Variants in LIG3 observed in about 807,000 individuals in gnomAD.
LIG3 encodes DNA ligase 3, also known as ligase II, DNA, ATP-dependent.
A neutral mutation model predicts 110.9 loss-of-function variants in LIG3; 58 were observed. The ratio of observed to expected loss-of-function variants is 0.52; its 90% CI spans 0.42 to 0.65. The LOEUF (loss-of-function observed/expected upper bound fraction) is 0.65, where lower values mean the gene tolerates loss of function less well. Ranked by LOEUF, LIG3 falls within the 30% of genes least tolerant of loss-of-function variation. The pLI, the probability that LIG3 is intolerant of heterozygous loss-of-function variation, is 0.00. For missense variants in LIG3, 1,094 were observed against 1,273.8 expected (o/e 0.86, Z 2.15); for synonymous variants, 422 against 472.8 (o/e 0.89, Z 1.39).
chr17:34,986,799 C>T (rs1298558468), intron 3 of LIG3, among the ~76,000 whole-genome samples: 14 of 152,098 alleles, frequency 9.2e-5, no homozygotes, highest in Non-Finnish European at 1.9e-4. Flanking sequence ...AATTGTTTCC[C>T]TGAATATGCC....
At chr17:34,990,118 T>C (rs1597793763) in intron 4 of LIG3, among the ~76,000 whole-genome samples, 1 of 152,332 alleles carries the variant, frequency 6.6e-6, no homozygotes, top group South Asian at 2.1e-4. Context: ...CTAACCACTC[T>C]GTCCAACAAG....
In LIG3 at chr17:34,992,677, T is replaced by C. The variant is rs193922690; in HGVS notation, c.1440T>C (p.Pro480=). 4 of 1,599,100 alleles carry C rather than the reference T, an allele frequency of 2.5e-6. No homozygotes were observed. The South Asian group carries it at 4.5e-5, about 18-fold the overall frequency. The change falls in exon 8 of 20, where the codon CCT becomes CCC. Residue 480 remains proline (P), a synonymous_variant. Transcript: ENST00000378526. ...ALSVQASLMT[P]VQPMLAEACK... is the part of the protein sequence containing the mutation. ...GCGTCCAGGCCTCGCTGATGACACC[T>C]GTGCAGCCCATGTTGGTGAGGAGTG...
rs779188644 is a variant in LIG3, at chr17:34,998,625, C to G, written c.2011C>G (p.Arg671Gly). The G allele has an allele frequency of 1.9e-6, 3 of 1,614,112 alleles. No homozygotes were observed. In the East Asian group the frequency reaches 6.7e-5, roughly 36 times the overall value. ...DVKGTYEPGK[R>G]HWLKVKKDYL... is the part of the protein sequence containing the mutation. ...TCAGGGTACATATGAGCCTGGGAAG[C>G]GGCACTGGCTGAAAGTGAAGAAAGA... is the stretch of plus-strand genomic sequence containing the variant. The change falls in exon 14 of 20, where the codon CGG (arginine) becomes GGG (glycine). Residue 671 changes from arginine to glycine, a missense_variant. Physicochemically the swap from Arg to Gly is moderately radical, Grantham distance 125 (BLOSUM62 -2). Coordinates refer to ENST00000378526, the MANE Select transcript of LIG3 (RefSeq NM_013975.4).
rs1410168602 is a variant in LIG3 at position 34,999,797 on chromosome 17, C to G, written c.2272C>G (p.Pro758Ala). ...TCTCCTCTAGGACCCCAGCAAAATA[C>G]CCAGCTGGTTGAAGGTCAACAAGAT... ...VKISKDPSKI[P>A]SWLKVNKIYY... is the part of the protein sequence containing the mutation. Residue 758 changes from proline to alanine, a missense_variant, in exon 16 of 20, where the codon CCC becomes GCC. Physicochemically the swap from Pro to Ala is conservative, Grantham distance 27 (BLOSUM62 -1). Transcript: ENST00000378526. 1 of 1,614,042 alleles carries G rather than the reference C, an allele frequency of 6.2e-7. No individual in the cohort carries two copies. Among genetic ancestry groups the G allele is most frequent in the South Asian group, 1.1e-5 (1 of 91,082 alleles).
chr17:34,986,942 A>G (rs1287408048), intron 3 of LIG3, among the ~76,000 whole-genome samples: 1 of 152,182 alleles, frequency 6.6e-6, no homozygotes, highest in African/African-American at 2.4e-5. Flanking sequence ...GGATATTGCT[A>G]TTTGTTGGGA....
In LIG3 at chr17:34,980,595, A is replaced by C. The variant is rs1440434132; in HGVS notation, c.-32A>C. The stretch of plus-strand genomic sequence containing the variant: ...CTGTAATGAGCAAGTTCCGAGGCCT[A>C]CGGTGAGCGCCGGAGCCGGAGAGGC... On this transcript the variant is annotated 5_prime_UTR_variant, in exon 1 of 20. Coordinates refer to ENST00000378526, the MANE Select transcript of LIG3 (RefSeq NM_013975.4). 3 of 1,285,826 alleles carry C rather than the reference A, an allele frequency of 2.3e-6. No homozygotes were observed. In the South Asian group the frequency reaches 3.7e-5, roughly 16 times the overall value. The allele number at this position is 1,285,826 out of a possible 1,614,324, so 79.7% of individuals were successfully genotyped here. A position where few individuals can be genotyped will look rare whatever the true frequency, so the allele number is the denominator to read the frequency against.
chr17:34,985,308 T>A (rs1386762327), intron 2 of LIG3, among the ~76,000 whole-genome samples: 1 of 152,208 alleles, frequency 6.6e-6, no homozygotes, highest in Non-Finnish European at 1.5e-5. Flanking sequence ...CTGGTCACCA[T>A]AGGAAGACAG....
chr17:34,990,217 T>A (rs1020626346), intron 4 of LIG3, among the ~76,000 whole-genome samples: 1 of 152,206 alleles, frequency 6.6e-6, no homozygotes, highest in Admixed American at 6.5e-5. Flanking sequence ...ATGCACAGGG[T>A]ACTATAGGAG....
At position 34,996,112 on chromosome 17, in the gene LIG3, A is replaced by G; in HGVS notation, c.1660A>G (p.Ser554Gly). Residue 554 changes from serine (S) to glycine (G), a missense_variant, in exon 10 of 20, where the codon AGC (serine) becomes GGC (glycine). Physicochemically the swap from Ser to Gly is moderately conservative, Grantham distance 56. Transcript: ENST00000378526. ...TCCCCAGGCTTTTCCTGGGGGCCAC[A>G]GCATGATCTTGGATTCTGAAGTGCT... ...YIPQAFPGGH[S>G]MILDSEVLLI... The G allele has an allele frequency of 6.2e-7, 1 of 1,614,222 alleles. No individual in the cohort carries two copies. The highest frequency in any genetic ancestry group is 8.5e-7 in the Non-Finnish European group (1 of 1,180,020).
intron 3 of LIG3, among the ~76,000 whole-genome samples, chr17:34,986,509 A>G (rs1269636335): frequency 6.6e-6 from 1 of 152,038 alleles, no homozygotes; most frequent in Non-Finnish European, 1.5e-5. Flanking sequence ...TTTAGTAGAG[A>G]TGGGGTTTCG....
intron 8 of LIG3, 135 bp from the exon 9 acceptor site, chr17:34,994,141 C>T (rs981122849): frequency 1.4e-6 from 1 of 713,498 alleles, no homozygotes; most frequent in Admixed American, 3.1e-5. Context: ...CCAGCCTTCC[C>T]TGAGCGTTAA....
rs1567697855 is a variant in LIG3 at position 35,008,633 on chromosome 17, TTTTTG to T, written c.*4137_*4141del. 6.6e-6 allele frequency: 1 copy of T among 152,042 alleles called. No individual in the cohort carries two copies. Among genetic ancestry groups the T allele is most frequent in the African/African-American group, 2.4e-5 (1 of 41,374 alleles). 9.4% of individuals were successfully genotyped at this position (152,042 alleles called of 1,614,324 possible). On this transcript the variant is annotated 3_prime_UTR_variant, in exon 20 of 20. Coordinates refer to ENST00000378526, the MANE Select transcript of LIG3 (RefSeq NM_013975.4). Reference sequence around the variant, plus strand: ...TTTTTGGGTTTTTTGTTTGTGTTTTTTTTTGTTTTGTTTTTTGAGACAGAGTCTCG... The same window carrying T: ...TTTTTGGGTTTTTTGTTTGTGTTTTTTTTTGTTTTTTGAGACAGAGTCTCG...
rs563004354 is a variant in LIG3, at chr17:34,994,442, C to T, written c.1611+11C>T. The T allele has an allele frequency of 9.9e-6, 16 of 1,611,412 alleles. No individual in the cohort carries two copies. The South Asian group carries it at 1.5e-4, about 16-fold the overall frequency. On this transcript the variant is annotated intron_variant, in intron 9 of 19. Transcript: ENST00000378526. ...GTCCTTCCTCACAAGGTATGAGTGCCTTCCTTTCTGCCAGGACCGTCTTTC... is the reference window on the plus strand; with the variant it reads ...GTCCTTCCTCACAAGGTATGAGTGCTTTCCTTTCTGCCAGGACCGTCTTTC...
Position 35,002,115 on chromosome 17 carries a change from G to A in LIG3, c.2674+11G>A, listed in dbSNP as rs755773115. ...CCAACAGCAAAGATGGTAAGGATAG[G>A]GAGGGGGCTGGTATGGTGAAGAGGG... is the stretch of plus-strand genomic sequence containing the variant. On this transcript the variant is annotated intron_variant, in intron 18 of 19. Transcript: ENST00000378526. 6.4e-7 allele frequency: 1 copy of A among 1,555,850 alleles called. No individual in the cohort carries two copies. Among genetic ancestry groups the A allele is most frequent in the South Asian group, 1.2e-5 (1 of 82,622 alleles).
In LIG3 at chr17:34,994,240, T is replaced by C. The variant is rs200833875; in HGVS notation, c.1456-36T>C. ...GCTGTCGCTGCTTAGCAGCCCCTCA[T>C]TGAAAGTCTCCAGGCTTTGCTTTCC... On this transcript the variant is annotated intron_variant, in intron 8 of 19. Transcript: ENST00000378526. 685 of 1,595,530 alleles carry C rather than the reference T, an allele frequency of 4.3e-4. 6 individuals carry two copies. Among genetic ancestry groups the C allele is most frequent in the South Asian group, 4.0e-3 (353 of 88,436 alleles).
chr17:34,993,150 G>T (rs2090743713), intron 8 of LIG3, among the ~76,000 whole-genome samples: 1 of 152,182 alleles, frequency 6.6e-6, no homozygotes, highest in Admixed American at 6.5e-5. Context: ...GAAGAGGGAG[G>T]ACACATAAGG....
rs367558719 is a variant in LIG3, at chr17:34,986,171, C to G, written c.691+40C>G. The G allele has an allele frequency of 7.4e-4, 1,181 of 1,596,352 alleles. 4 individuals are homozygous for G. The highest frequency in any genetic ancestry group is 9.3e-4 in the Non-Finnish European group (1,088 of 1,165,550). The stretch of plus-strand genomic sequence containing the variant: ...GGCTACTTTAGCTGTTATAGTGCTG[C>G]TTTTATTTTGTATTCTACCTAGGAT... On this transcript the variant is annotated intron_variant, in intron 3 of 19. Transcript: ENST00000378526.
chr17:34,994,643 C>T (rs761773153), intron 9 of LIG3, among the ~76,000 whole-genome samples: 18 of 152,184 alleles, frequency 1.2e-4, no homozygotes, highest in Non-Finnish European at 2.4e-4. Context: ...GACTTGGGTT[C>T]GTGAGGATAG....
At chr17:34,984,661 TGA>T (rs1479007585) in intron 2 of LIG3, among the ~76,000 whole-genome samples, 8 of 151,610 alleles carry the variant, frequency 5.3e-5, no homozygotes, top group Non-Finnish European at 8.8e-5. Flanking sequence ...TTTTTTTTTT[TGA>T]GAGTCTCACT....
Sources: gnomAD v4.1 joint callset for allele counts (sites outside exome capture counted in the v4.1 genomes callset) on GRCh38, gnomAD v4.1.1 for gene constraint, MANE v1.5 for transcripts, NCBI Gene and HGNC (gene_info 2026-07-23, HGNC 2026-07-21) for gene names.